Variants in RAB31 observed in about 807,000 individuals in gnomAD.
The protein encoded by RAB31 is ras-related protein Rab-31.
A neutral mutation model predicts 25.6 loss-of-function variants in RAB31; 21 were observed. The ratio of observed to expected loss-of-function variants is 0.82; its 90% CI spans 0.58 to 1.18. The LOEUF (loss-of-function observed/expected upper bound fraction) is 1.18. Ranked by LOEUF, RAB31 falls within the 50% of genes most tolerant of loss-of-function variation. The pLI is 0.00. For missense variants in RAB31, 196 were observed against 250.1 expected, an observed-to-expected ratio of 0.78 and a Z score of 1.46; for synonymous variants, 87 against 84.0, an observed-to-expected ratio of 1.04 and a Z score of -0.20.
Position 9,737,765 on chromosome 18 carries a change from A to G in RAB31, c.39+29321A>G, listed in dbSNP as rs1043710613. On this transcript the variant is annotated intron_variant, in intron 1 of 6. Coordinates refer to ENST00000578921, the MANE Select transcript of RAB31 (RefSeq NM_006868.4). Reference sequence around the variant, plus strand: ...GTCCTATGCCCATTACAGAATCTCAAGTAATGATGGTTGGTTATGCATGGA... The same window carrying G: ...GTCCTATGCCCATTACAGAATCTCAGGTAATGATGGTTGGTTATGCATGGA... 3.9e-5 allele frequency among the ~76,000 whole-genome samples: 6 copies of G among 152,362 alleles called. No individual in the cohort carries two copies. The East Asian group carries it at 1.2e-3, about 29-fold the overall frequency.
intron 1 of RAB31, among the ~76,000 whole-genome samples, chr18:9,709,581 C>CGGCA: frequency 6.6e-6 from 1 of 152,230 alleles, no homozygotes; most frequent in South Asian, 2.1e-4. Flanking sequence ...GTGGAACCTC[C>CGGCA]GGCAGGCTCC....
chr18:9,729,315 G>A (rs1290416473), intron 1 of RAB31, among the ~76,000 whole-genome samples: 1 of 151,988 alleles, frequency 6.6e-6, no homozygotes, highest in African/African-American at 2.4e-5. Context: ...ATCACGAGGG[G>A]AGGAGATCGA....
intron 5 of RAB31, among the ~76,000 whole-genome samples, chr18:9,834,013 G>A (rs1454776678): frequency 6.6e-6 from 1 of 152,148 alleles, no homozygotes; most frequent in Non-Finnish European, 1.5e-5. Flanking sequence ...CTGGAATAGA[G>A]CCAATTAATG....
At chr18:9,832,711 C>A (rs916999634) in intron 5 of RAB31, among the ~76,000 whole-genome samples, 2 of 152,196 alleles carry the variant, frequency 1.3e-5, no homozygotes, top group African/African-American at 4.8e-5. Flanking sequence ...CAGGACATGG[C>A]AGTCCCTCAG....
chr18:9,792,745 G>T (rs989860108), intron 3 of RAB31, among the ~76,000 whole-genome samples: 7 of 152,156 alleles, frequency 4.6e-5, no homozygotes, highest in Non-Finnish European at 1.0e-4. Flanking sequence ...GTTCTTGGGG[G>T]TTTGGTGCCC....
intron 6 of RAB31, among the ~76,000 whole-genome samples, chr18:9,858,448 A>G (rs1048352280): frequency 2.0e-5 from 3 of 152,220 alleles, no homozygotes; most frequent in Non-Finnish European, 4.4e-5. Context: ...TGGTGTTGGT[A>G]TATTCACAGA....
intron 2 of RAB31, among the ~76,000 whole-genome samples, chr18:9,777,435 G>A (rs541490716): frequency 2.6e-5 from 4 of 152,208 alleles, no homozygotes; most frequent in South Asian, 4.1e-4. Flanking sequence ...AACACAATCC[G>A]GAAAAAAGTG....
At chr18:9,726,685 A>T (rs1476895766) in intron 1 of RAB31, among the ~76,000 whole-genome samples, 3 of 152,218 alleles carry the variant, frequency 2.0e-5, no homozygotes, top group Non-Finnish European at 4.4e-5. Context: ...GCTGAGTAAT[A>T]GCTTTCAATT....
chr18:9,708,492 C>A lies in RAB31; in HGVS notation c.39+48C>A. The A allele has an allele frequency of 6.7e-7, 1 of 1,500,640 alleles. No individual in the cohort carries two copies. The highest frequency in any genetic ancestry group is 9.0e-7 in the Non-Finnish European group (1 of 1,114,700). 93.0% of individuals were successfully genotyped at this position (1,500,640 alleles called of 1,614,324 possible). A position where few individuals can be genotyped will look rare whatever the true frequency, so the allele number is the denominator to read the frequency against. On this transcript the variant is annotated intron_variant, in intron 1 of 6. Coordinates refer to ENST00000578921, the MANE Select transcript of RAB31 (RefSeq NM_006868.4). This position sits in a 1 kb window ranked among gnomAD's most constrained non-coding sequence, Gnocchi z 6.4. Reference sequence around the variant, plus strand: ...CGGCGGACCCCGGCCCGCGCTCTCGCGCCCCTTCGCTCCCCTATTCCCTGC... The same window carrying A: ...CGGCGGACCCCGGCCCGCGCTCTCGAGCCCCTTCGCTCCCCTATTCCCTGC...
intron 5 of RAB31, among the ~76,000 whole-genome samples, chr18:9,817,130 C>A (rs1381048395): frequency 6.6e-6 from 1 of 151,902 alleles, no homozygotes; most frequent in African/African-American, 2.4e-5. Flanking sequence ...GTGTTCCCAG[C>A]AGAATCACCT....
At chr18:9,795,046 G>A (rs2068480220) in intron 3 of RAB31, among the ~76,000 whole-genome samples, 1 of 152,130 alleles carries the variant, frequency 6.6e-6, no homozygotes, top group Non-Finnish European at 1.5e-5. Flanking sequence ...AAATAGGCAT[G>A]TAGACCAATG....
chr18:9,818,451 A>T lies in RAB31; in HGVS notation c.380+3229A>T, dbSNP rs554300704. ...AATTTGCTTTTTCTGGACGTTTTGC[A>T]TACATGGAATCGTACAATATGTGGT... On this transcript the variant is annotated intron_variant, in intron 5 of 6. Transcript: ENST00000578921. Among the ~76,000 whole-genome samples, 30 of 152,242 alleles carry T rather than the reference A, an allele frequency of 2.0e-4. No individual in the cohort carries two copies. The South Asian group carries it at 6.2e-3, about 32-fold the overall frequency.
chr18:9,852,278 A>G (rs1174225601), intron 6 of RAB31, among the ~76,000 whole-genome samples: 2 of 152,236 alleles, frequency 1.3e-5, no homozygotes, highest in Admixed American at 1.3e-4. Flanking sequence ...AACAATGACA[A>G]CTATGTTATC....
chr18:9,845,995 T>G (rs1274038481), intron 6 of RAB31, among the ~76,000 whole-genome samples: 1 of 152,204 alleles, frequency 6.6e-6, no homozygotes, highest in Non-Finnish European at 1.5e-5. Flanking sequence ...GCATTTTATG[T>G]TAGGAGGAGA....
chr18:9,821,293 G>A (rs2068623484), intron 5 of RAB31, among the ~76,000 whole-genome samples: 6 of 152,008 alleles, frequency 3.9e-5, no homozygotes, highest in Admixed American at 2.6e-4. Context: ...AAGTGAGCCC[G>A]ATGACACTAA....
chr18:9,770,028 G>T (rs557699184), intron 1 of RAB31, among the ~76,000 whole-genome samples: 3 of 152,168 alleles, frequency 2.0e-5, no homozygotes, highest in Non-Finnish European at 1.5e-5. Flanking sequence ...CTTGCGTCCC[G>T]GGGATAAAGC....
chr18:9,794,605 AG>A (rs2068477457), intron 3 of RAB31, among the ~76,000 whole-genome samples: 1 of 152,202 alleles, frequency 6.6e-6, no homozygotes, highest in Non-Finnish European at 1.5e-5. Context: ...TCATGAGGTC[AG>A]GAGTTCGAGA....
At position 9,812,318 on chromosome 18, in the gene RAB31, G is replaced by A. The variant is rs569745819; in HGVS notation, c.202-1702G>A. Among the ~76,000 whole-genome samples the A allele has an allele frequency of 2.6e-5, 4 of 152,266 alleles. No individual in the cohort carries two copies. In the South Asian group the frequency reaches 6.2e-4, roughly 24 times the overall value. ...ACAGCGCAGGGATGTGTCTTCCTGC[G>A]TGTGATGGTCACTCCAGTATATATT... is the stretch of plus-strand genomic sequence containing the variant. On this transcript the variant is annotated intron_variant, in intron 3 of 6. Coordinates refer to ENST00000578921, the MANE Select transcript of RAB31 (RefSeq NM_006868.4).
chr18:9,862,070 G>A lies in RAB31; in HGVS notation c.*2745G>A, dbSNP rs894982437. 1.7e-4 allele frequency: 26 copies of A among 152,750 alleles called. 4 individuals carry two copies. Among genetic ancestry groups the A allele is most frequent in the Middle Eastern group, 6.8e-3 (2 of 294 alleles). 9.5% of individuals were successfully genotyped at this position (152,750 alleles called of 1,614,324 possible). ...CTAACAATAAGGGCTGTGCCCCAAT[G>A]GAAACTGAGTTCATTTTCTGAGAAA... is the stretch of plus-strand genomic sequence containing the variant. On this transcript the variant is annotated 3_prime_UTR_variant, in exon 7 of 7. Coordinates refer to ENST00000578921, the MANE Select transcript of RAB31 (RefSeq NM_006868.4).
Sources: allele counts gnomAD v4.1 joint callset (sites outside exome capture counted in the v4.1 genomes callset), GRCh38; gene constraint gnomAD v4.1.1; non-coding constraint Gnocchi (gnomAD v3.1); transcripts MANE v1.5; gene names NCBI Gene and HGNC (gene_info 2026-07-23, HGNC 2026-07-21).